ASAP1: variants seen among roughly 807,000 people sequenced by gnomAD.
The protein encoded by ASAP1 is arf-GAP with SH3 domain, ANK repeat and PH domain-containing protein 1.
Under a neutral mutation model 145.2 loss-of-function variants are expected in ASAP1, and 43 were observed. The ratio of observed to expected loss-of-function variants is 0.30; its 90% CI spans 0.23 to 0.38. The LOEUF (loss-of-function observed/expected upper bound fraction) is 0.38, where lower values mean the gene tolerates loss of function less well. Among genes scored for constraint, ASAP1 ranks in the 10% least tolerant of loss-of-function variants. The pLI is 1.00. For synonymous variants in ASAP1, 546 were observed against 515.5 expected (o/e 1.06, Z -0.80); for missense variants, 1,018 against 1,355.3 (o/e 0.75, Z 3.91).
At chr8:130,093,684 A>AAAAAAAAAAAAAAAAAAAAC in intron 24 of ASAP1, among the ~76,000 whole-genome samples, 1 of 150,924 alleles carries the variant, frequency 6.6e-6, no homozygotes, top group Non-Finnish European at 1.5e-5. Flanking sequence ...AAAAAAAAAA[A>AAAAAAAAAAAAAAAAAAAAC]AAAAAGAAAG....
intron 3 of ASAP1, among the ~76,000 whole-genome samples, chr8:130,328,984 C>T (rs1306738405): frequency 6.6e-6 from 1 of 152,010 alleles, no homozygotes; most frequent in Non-Finnish European, 1.5e-5. Context: ...GGTAACACTT[C>T]CCTTAATCAA....
chr8:130,182,631 C>A (rs1303252140), intron 7 of ASAP1, among the ~76,000 whole-genome samples: 1 of 152,000 alleles, frequency 6.6e-6, no homozygotes, highest in Non-Finnish European at 1.5e-5. Context: ...CTTTGGGTAC[C>A]TTGCTCTGAA....
At chr8:130,340,827 G>T in intron 3 of ASAP1, 1 of 442,774 alleles carries the variant, frequency 2.3e-6, no homozygotes, top group South Asian at 1.6e-5. Flanking sequence ...AGGCTCCAAA[G>T]AGGAAGCTTA....
chr8:130,112,423 G>T, intron 23 of ASAP1, 101 bp from the exon 24 acceptor site: 1 of 944,714 alleles, frequency 1.1e-6, no homozygotes, highest in Non-Finnish European at 1.6e-6. Flanking sequence ...CTGGGTTCCT[G>T]TGGCTCTCTG....
intron 3 of ASAP1, among the ~76,000 whole-genome samples, chr8:130,334,041 G>C (rs959919027): frequency 4.6e-5 from 7 of 152,188 alleles, no homozygotes; most frequent in African/African-American, 1.7e-4. Context: ...TGACATCTGA[G>C]CTCAGTCCAG....
At chr8:130,146,415 A>C (rs994233618) in intron 13 of ASAP1, among the ~76,000 whole-genome samples, 1 of 152,164 alleles carries the variant, frequency 6.6e-6, no homozygotes, top group Non-Finnish European at 1.5e-5. Flanking sequence ...TGTGAGCTCT[A>C]AATTTGTGAG....
chr8:130,321,024 A>G (rs1823971258), intron 3 of ASAP1, among the ~76,000 whole-genome samples: 1 of 152,188 alleles, frequency 6.6e-6, no homozygotes. Context: ...TATATAAATC[A>G]AGAATGCTGG....
chr8:130,078,354 G>C (rs1163232683), intron 26 of ASAP1, among the ~76,000 whole-genome samples: 5 of 151,974 alleles, frequency 3.3e-5, no homozygotes. Flanking sequence ...GAGTGCAGAG[G>C]TGCGATCATG....
intron 5 of ASAP1, among the ~76,000 whole-genome samples, chr8:130,200,993 A>C (rs903534525): frequency 2.6e-5 from 4 of 152,236 alleles, no homozygotes; most frequent in Admixed American, 1.3e-4. Flanking sequence ...GGTTCTCAAA[A>C]GTGTGGTCCT....
intron 3 of ASAP1, among the ~76,000 whole-genome samples, chr8:130,247,249 T>C (rs1280124055): frequency 1.3e-5 from 2 of 152,198 alleles, no homozygotes; most frequent in African/African-American, 4.8e-5. Flanking sequence ...TCTTGTCTCT[T>C]TTCTCCCCAG....
chr8:130,223,511 G>A (rs573670963), intron 4 of ASAP1, among the ~76,000 whole-genome samples: 1 of 152,236 alleles, frequency 6.6e-6, no homozygotes, highest in South Asian at 2.1e-4. Context: ...ATTTTTTGGA[G>A]GATTCCAGGA....
intron 4 of ASAP1, among the ~76,000 whole-genome samples, chr8:130,220,834 C>T (rs1016723413): frequency 2.7e-4 from 41 of 152,154 alleles, no homozygotes; most frequent in African/African-American, 7.2e-4. Flanking sequence ...CACATGGTAA[C>T]GGCAAGGAGA....
chr8:130,322,343 T>C (rs1441506848), intron 3 of ASAP1, among the ~76,000 whole-genome samples: 1 of 152,160 alleles, frequency 6.6e-6, no homozygotes, highest in Non-Finnish European at 1.5e-5. Flanking sequence ...CTAAACATGA[T>C]TCCTTCTCTT....
intron 23 of ASAP1, among the ~76,000 whole-genome samples, chr8:130,114,588 C>T (rs2097551838): frequency 6.6e-6 from 1 of 152,020 alleles, no homozygotes; most frequent in Admixed American, 6.6e-5. Flanking sequence ...TGTTGCACTA[C>T]CGTATTATGA....
intron 3 of ASAP1, among the ~76,000 whole-genome samples, chr8:130,332,829 C>A (rs973129016): frequency 6.6e-6 from 1 of 151,904 alleles, no homozygotes; most frequent in East Asian, 1.9e-4. Context: ...GCACAACAGG[C>A]ACAATTTTCA....
rs1363315927 is a variant in ASAP1 at position 130,058,463 on chromosome 8, A to G, written c.3193-387T>C. On this transcript the variant is annotated intron_variant, in intron 28 of 29. Transcript: ENST00000518721. ...GAGTCTAAAAATGTTTTTAGGAAACATGATGTAAAGCAAAATCTGCAGCTT... is the reference window on the plus strand; with the variant it reads ...GAGTCTAAAAATGTTTTTAGGAAACGTGATGTAAAGCAAAATCTGCAGCTT... Among the ~76,000 whole-genome samples, 7 of 152,208 alleles carry G rather than the reference A, an allele frequency of 4.6e-5. 1 individual carries two copies. The highest frequency in any genetic ancestry group is 3.9e-4 in the Admixed American group (6 of 15,274).
intron 2 of ASAP1, among the ~76,000 whole-genome samples, chr8:130,400,008 CAG>C (rs1828709601): frequency 1.3e-5 from 2 of 152,172 alleles, no homozygotes; most frequent in South Asian, 2.1e-4. Flanking sequence ...TTAGTACAGA[CAG>C]AGTTTCTCCA....
At chr8:130,318,503 A>T (rs1823804312) in intron 3 of ASAP1, among the ~76,000 whole-genome samples, 1 of 152,298 alleles carries the variant, frequency 6.6e-6, no homozygotes, top group East Asian at 1.9e-4. Context: ...TTTCACGAAC[A>T]TCTCCTTTCA....
In ASAP1 at chr8:130,344,471, G is replaced by A. The variant is rs1329549151; in HGVS notation, c.186+13546C>T. Among the ~76,000 whole-genome samples the A allele has an allele frequency of 2.6e-5, 4 of 152,178 alleles. No individual in the cohort carries two copies. In the East Asian group the frequency reaches 5.8e-4, roughly 22 times the overall value. ...CTGATATTGCTTCAAAAAATCAGGGGAAGGAGGCAGAAATGAAAAAAAGAT... is the reference window on the plus strand; with the variant it reads ...CTGATATTGCTTCAAAAAATCAGGGAAAGGAGGCAGAAATGAAAAAAAGAT... On this transcript the variant is annotated intron_variant, in intron 3 of 29. Transcript: ENST00000518721.
Sources: gnomAD v4.1 joint callset for allele counts (sites outside exome capture counted in the v4.1 genomes callset) on GRCh38, gnomAD v4.1.1 for gene constraint, MANE v1.5 for transcripts, NCBI Gene and HGNC (gene_info 2026-07-23, HGNC 2026-07-21) for gene names.